Variants in LOC128092252 observed in about 807,000 individuals in gnomAD.
chr15:50,658,589 C>G, the LOC128092252 span, among the ~76,000 whole-genome samples: 1 of 149,686 alleles, frequency 6.7e-6, no homozygotes, highest in African/African-American at 2.5e-5. Context: ...AAAAAAAAGA[C>G]ATTATCTTGG....
the LOC128092252 span, among the ~76,000 whole-genome samples, chr15:50,654,715 TG>T: frequency 6.6e-6 from 1 of 151,120 alleles, no homozygotes; most frequent in South Asian, 2.1e-4. Context: ...ATTCACTGGA[TG>T]GGCTGGGCGC....
At chr15:50,673,026 C>T in the LOC128092252 span, among the ~76,000 whole-genome samples, 2 of 144,858 alleles carry the variant, frequency 1.4e-5, no homozygotes, top group Admixed American at 6.9e-5. Flanking sequence ...AAAATGTTTA[C>T]AAATCTGTTA....
chr15:50,665,719 G>T, the LOC128092252 span, among the ~76,000 whole-genome samples: 3 of 152,164 alleles, frequency 2.0e-5, no homozygotes, highest in South Asian at 2.1e-4. Context: ...GCTGGGCCAG[G>T]CACAGTGGAT....
At chr15:50,658,659 T>C in the LOC128092252 span, among the ~76,000 whole-genome samples, 6 of 151,984 alleles carry the variant, frequency 3.9e-5, no homozygotes, top group African/African-American at 1.4e-4. Flanking sequence ...ATAATCCCTA[T>C]GGAAGGCCAC....
At chr15:50,671,645 C>CAA in the LOC128092252 span, among the ~76,000 whole-genome samples, 89,255 of 151,420 alleles carry the variant, frequency 0.59, 26,592 homozygotes, top group African/African-American at 0.66. Flanking sequence ...CCTGTCGCTA[C>CAA]AAAAGTTTTT....
chr15:50,681,293 A>ACACACACACACACACACACACACACAC, the LOC128092252 span, among the ~76,000 whole-genome samples: 1 of 151,604 alleles, frequency 6.6e-6, no homozygotes, highest in Non-Finnish European at 1.5e-5. Context: ...ACACACACAC[A>ACACACACACACACACACACACACACAC]AAGCATTCAG....
At chr15:50,652,743 G>A in the LOC128092252 span, among the ~76,000 whole-genome samples, 22,201 of 152,046 alleles carry the variant, frequency 0.15, 2,212 homozygotes, top group Admixed American at 0.28. Flanking sequence ...AAACCAGCCC[G>A]TAATTCCAGC....
At chr15:50,651,037 G>A in the LOC128092252 span, among the ~76,000 whole-genome samples, 2 of 151,756 alleles carry the variant, frequency 1.3e-5, no homozygotes, top group South Asian at 2.1e-4. Context: ...ACATACAAAC[G>A]TTAGTCGGGC....
At chr15:50,665,605 A>G in the LOC128092252 span, among the ~76,000 whole-genome samples, 8 of 152,234 alleles carry the variant, frequency 5.3e-5, no homozygotes, top group South Asian at 1.2e-3. Flanking sequence ...TTAGAAGTGA[A>G]TAATAGTGAA....
At chr15:50,668,995 G>A in the LOC128092252 span, among the ~76,000 whole-genome samples, 3 of 152,268 alleles carry the variant, frequency 2.0e-5, no homozygotes, top group Admixed American at 2.0e-4. Flanking sequence ...TGTCTACGCA[G>A]TCCCTGTACA....
the LOC128092252 span, among the ~76,000 whole-genome samples, chr15:50,678,873 C>CA: frequency 1.3e-5 from 2 of 150,394 alleles, no homozygotes; most frequent in African/African-American, 2.4e-5. Flanking sequence ...TTTGCAAAAA[C>CA]AAAAAAAAAA....
the LOC128092252 span, among the ~76,000 whole-genome samples, chr15:50,678,491 T>C: frequency 7.9e-6 from 1 of 126,680 alleles, no homozygotes; most frequent in Non-Finnish European, 1.6e-5. Context: ...GACCCTACTC[T>C]CTAGTTCCAT....
At chr15:50,665,959 C>G in the LOC128092252 span, among the ~76,000 whole-genome samples, 1 of 152,164 alleles carries the variant, frequency 6.6e-6, no homozygotes, top group East Asian at 1.9e-4. Flanking sequence ...TGCTACTGCA[C>G]TCCAGCCTGG....
the LOC128092252 span, among the ~76,000 whole-genome samples, chr15:50,659,612 A>G: frequency 6.6e-6 from 1 of 152,076 alleles, no homozygotes; most frequent in Admixed American, 6.6e-5. Context: ...TATTATTTCT[A>G]TTGCAAAGTG....
chr15:50,662,326 CAAAA>C, the LOC128092252 span, among the ~76,000 whole-genome samples: 1 of 124,670 alleles, frequency 8.0e-6, no homozygotes, highest in Admixed American at 8.4e-5. Context: ...GACTCTGTTC[CAAAA>C]AAAAAAAAAA....
chr15:50,654,104 A>C, the LOC128092252 span, among the ~76,000 whole-genome samples: 5 of 152,190 alleles, frequency 3.3e-5, no homozygotes, highest in African/African-American at 7.2e-5. Context: ...GTCAGAAAGA[A>C]ACTGAACACT....
the LOC128092252 span, among the ~76,000 whole-genome samples, chr15:50,651,525 G>T: frequency 6.6e-6 from 1 of 152,120 alleles, no homozygotes; most frequent in Non-Finnish European, 1.5e-5. Flanking sequence ...TGTTGGGCAC[G>T]GTGGCTCATG....
At chr15:50,674,220 C>CTCAA in the LOC128092252 span, among the ~76,000 whole-genome samples, 1 of 152,220 alleles carries the variant, frequency 6.6e-6, no homozygotes. Flanking sequence ...AACCCCTGAC[C>CTCAA]TCAAGTGATC....
chr15:50,686,022 G>A, the LOC128092252 span, among the ~76,000 whole-genome samples: 2 of 152,212 alleles, frequency 1.3e-5, no homozygotes, highest in East Asian at 3.8e-4. Flanking sequence ...CCGCTGCACA[G>A]CAAACAAGGC....
Sources: allele counts gnomAD v4.1 joint callset (sites outside exome capture counted in the v4.1 genomes callset), GRCh38; gene constraint gnomAD v4.1.1; transcripts MANE v1.5.